Variants in COL6A6 observed in about 807,000 individuals in gnomAD.
The protein encoded by COL6A6 is collagen alpha-6(VI) chain.
In COL6A6, 183 loss-of-function variants were observed where a neutral mutation model predicts 208.6. The observed-to-expected ratio is 0.88, with a 90% CI of 0.78 to 0.99. The LOEUF is 0.99. Ranked by LOEUF, COL6A6 falls within the 50% of genes least tolerant of loss-of-function variation. The pLI is 0.00. For missense variants in COL6A6, 2,816 were observed against 2,815.2 expected (o/e 1.00, Z -0.01); for synonymous variants, 973 against 1,011.8 (o/e 0.96, Z 0.73).
chr3:130,647,278 G>GT (rs2065488531), intron 32 of COL6A6, among the ~76,000 whole-genome samples: 1 of 152,044 alleles, frequency 6.6e-6, no homozygotes, highest in East Asian at 1.9e-4. Context: ...TAGTCCTTAG[G>GT]TTTTTCCCCT....
chr3:130,518,190 GGGGTGATAGGAGAGA>G (rs1324495416), intron 1 of COL6A6, among the ~76,000 whole-genome samples: 1 of 152,158 alleles, frequency 6.6e-6, no homozygotes, highest in African/African-American at 2.4e-5. Flanking sequence ...GATGGGTGTG[GGGGTGATAGGAGAGA>G]GGGGTGGTGA....
At position 130,676,560 on chromosome 3, in the gene COL6A6, C is replaced by T. The variant is rs1202693633; in HGVS notation, c.*1163C>T. Reference sequence around the variant, plus strand: ...TGGCCCTGTTAGGCAGACTGTCCCCCTCTTTGGGAATGGAAAGAAGCCCTG... The same window carrying T: ...TGGCCCTGTTAGGCAGACTGTCCCCTTCTTTGGGAATGGAAAGAAGCCCTG... On this transcript the variant is annotated 3_prime_UTR_variant, in exon 37 of 37. Coordinates refer to ENST00000358511, the MANE Select transcript of COL6A6 (RefSeq NM_001102608.3). The T allele has an allele frequency of 6.6e-6, 1 of 152,258 alleles. No homozygotes were observed. Among genetic ancestry groups the T allele is most frequent in the Admixed American group, 6.5e-5 (1 of 15,280 alleles). The allele number at this position is 152,258 out of a possible 1,614,324, so 9.4% of individuals were successfully genotyped here. A position where few individuals can be genotyped will look rare whatever the true frequency, so the allele number is the denominator to read the frequency against.
At chr3:130,545,542 C>T (rs1041481751) in intron 1 of COL6A6, among the ~76,000 whole-genome samples, 12 of 151,700 alleles carry the variant, frequency 7.9e-5, no homozygotes, top group African/African-American at 2.9e-4. Context: ...CAACCTCCGC[C>T]TCCCGGATTC....
chr3:130,546,728 G>A (rs539047962), intron 1 of COL6A6, among the ~76,000 whole-genome samples: 2 of 151,994 alleles, frequency 1.3e-5, no homozygotes, highest in Non-Finnish European at 2.9e-5. Flanking sequence ...GCACCGACTG[G>A]TGCGTTTACA....
intron 1 of COL6A6, among the ~76,000 whole-genome samples, chr3:130,551,544 C>T (rs2062640613): frequency 2.7e-5 from 4 of 150,462 alleles, no homozygotes. Flanking sequence ...TTATTTGGAT[C>T]TTCTCTCTTG....
Position 130,598,389 on chromosome 3 carries a change from A to G in COL6A6, c.4558A>G (p.Ile1520Val). ...DPGAPGVDSS[I>V]EGPTGLKGER... ...GGGAGCTCCTGGAGTTGACAGTAGC[A>G]TAGAAGGACCCACAGGCTTGAAAGG... Residue 1520 changes from isoleucine (I) to valine (V), a missense_variant, in exon 19 of 37, where the codon ATA becomes GTA. Transcript: ENST00000358511. 6.4e-7 allele frequency: 1 copy of G among 1,551,810 alleles called. No individual in the cohort carries two copies.
At chr3:130,624,177 G>T (rs1423010894) in intron 24 of COL6A6, among the ~76,000 whole-genome samples, 1 of 152,206 alleles carries the variant, frequency 6.6e-6, no homozygotes, top group African/African-American at 2.4e-5. Flanking sequence ...AAAGGTTGAT[G>T]TGGGATATTG....
intron 1 of COL6A6, among the ~76,000 whole-genome samples, chr3:130,534,022 G>A (rs540027366): frequency 1.8e-4 from 27 of 152,282 alleles, no homozygotes; most frequent in African/African-American, 6.3e-4. Flanking sequence ...TTGTACACAT[G>A]TACCAGGGTT....
chr3:130,629,845 G>A (rs1454384752), intron 26 of COL6A6, among the ~76,000 whole-genome samples: 16 of 28,800 alleles, frequency 5.6e-4, no homozygotes, highest in Non-Finnish European at 7.1e-4. Context: ...ACAAGCAAAT[G>A]TTGAGAGATT....
At chr3:130,548,056 G>A (rs2062559646) in intron 1 of COL6A6, among the ~76,000 whole-genome samples, 1 of 152,256 alleles carries the variant, frequency 6.6e-6, no homozygotes, top group Non-Finnish European at 1.5e-5. Context: ...GCCTCCCAAA[G>A]TGCTGGGATT....
chr3:130,525,003 A>G (rs114818282), intron 1 of COL6A6, among the ~76,000 whole-genome samples: 4,352 of 152,302 alleles, frequency 0.029, 212 homozygotes, highest in African/African-American at 0.097. Context: ...TACATCAATG[A>G]ACTCAGCACT....
At chr3:130,551,304 A>G (rs971604518) in intron 1 of COL6A6, among the ~76,000 whole-genome samples, 1 of 152,016 alleles carries the variant, frequency 6.6e-6, no homozygotes, top group Non-Finnish European at 1.5e-5. Flanking sequence ...GGTCCTGTGC[A>G]TTTTTTGGTT....
chr3:130,555,347 G>A (rs577699656), intron 1 of COL6A6, among the ~76,000 whole-genome samples: 4 of 152,238 alleles, frequency 2.6e-5, no homozygotes, highest in South Asian at 4.2e-4. Flanking sequence ...AGTCCCATGC[G>A]TGGTTCCCAG....
chr3:130,533,583 TACAG>T (rs936887157), intron 1 of COL6A6, among the ~76,000 whole-genome samples: 1 of 152,224 alleles, frequency 6.6e-6, no homozygotes, highest in Non-Finnish European at 1.5e-5. Context: ...AATAAAATAT[TACAG>T]ACAAGTTAGA....
chr3:130,673,481 T>G, intron 36 of COL6A6, among the ~76,000 whole-genome samples: 24 of 135,330 alleles, frequency 1.8e-4, no homozygotes, highest in Admixed American at 3.8e-4. Flanking sequence ...TGGGGAGAGG[T>G]GCGGGGTAGG....
rs193245397 is a variant in COL6A6 at position 130,596,817 on chromosome 3, A to G, written c.4534-1548A>G. ...TAAAACTTAAAGTATAATAATGATA[A>G]AATTTTTAAAAAAAGAAATATTGGG... is the stretch of plus-strand genomic sequence containing the variant. On this transcript the variant is annotated intron_variant, in intron 18 of 36. Coordinates refer to ENST00000358511, the MANE Select transcript of COL6A6 (RefSeq NM_001102608.3). Among the ~76,000 whole-genome samples, 5 of 152,338 alleles carry G rather than the reference A, an allele frequency of 3.3e-5. No homozygotes were observed. In the East Asian group the frequency reaches 9.6e-4, roughly 29 times the overall value.
chr3:130,527,021 A>T (rs2061976010), intron 1 of COL6A6, among the ~76,000 whole-genome samples: 1 of 152,166 alleles, frequency 6.6e-6, no homozygotes, highest in Admixed American at 6.5e-5. Flanking sequence ...CTCAGCTCAG[A>T]CTAGAACCCA....
At chr3:130,577,152 A>C (rs189159260) in intron 8 of COL6A6, among the ~76,000 whole-genome samples, 3 of 152,172 alleles carry the variant, frequency 2.0e-5, no homozygotes, top group Non-Finnish European at 2.9e-5. Flanking sequence ...TAAATGTACT[A>C]TCTCACTCAA....
At chr3:130,558,726 A>G (rs955423909) in intron 1 of COL6A6, among the ~76,000 whole-genome samples, 1 of 152,240 alleles carries the variant, frequency 6.6e-6, no homozygotes, top group Non-Finnish European at 1.5e-5. Flanking sequence ...TATAAAGCTC[A>G]TAATATAAAC....
Sources: gnomAD v4.1 joint callset for allele counts (sites outside exome capture counted in the v4.1 genomes callset) on GRCh38, gnomAD v4.1.1 for gene constraint, MANE v1.5 for transcripts, NCBI Gene and HGNC (gene_info 2026-07-23, HGNC 2026-07-21) for gene names.